WDR90: variants seen among roughly 807,000 people sequenced by gnomAD.
WDR90 encodes WD repeat domain 90.
In WDR90, 238 loss-of-function variants were observed where a neutral mutation model predicts 195.2. The observed-to-expected ratio is 1.22, with a 90% CI of 1.10 to 1.36. The LOEUF (loss-of-function observed/expected upper bound fraction) is 1.36, where lower values mean the gene tolerates loss of function less well. Ranked by LOEUF, WDR90 falls within the 40% of genes most tolerant of loss-of-function variation. WDR90 has a pLI of 0.00. For missense variants in WDR90, 2,734 were observed against 2,439.5 expected (o/e 1.12, Z -2.54); for synonymous variants, 1,265 against 1,052.4 (o/e 1.20, Z -3.91).
Position 666,125 on chromosome 16 carries a change from G to C in WDR90, c.4609+1G>C, listed in dbSNP as rs757431419. On this transcript the variant is annotated splice_donor_variant, in intron 36 of 40. Coordinates refer to ENST00000293879, the MANE Select transcript of WDR90 (RefSeq NM_145294.5). LOFTEE classifies it high-confidence loss of function. Reference sequence around the variant, plus strand: ...ACCACTGTTGCCTTCTCCACCGATGGTGAGGAGTTGGGTGTGTTGGGGATG... The same window carrying C: ...ACCACTGTTGCCTTCTCCACCGATGCTGAGGAGTTGGGTGTGTTGGGGATG... The C allele has an allele frequency of 1.2e-6, 2 of 1,609,198 alleles. No individual in the cohort carries two copies. Among genetic ancestry groups the C allele is most frequent in the Admixed American group, 1.7e-5 (1 of 59,912 alleles).
In WDR90 at chr16:651,929, G is replaced by A; in HGVS notation, c.943G>A (p.Glu315Lys). ...GGATGGCCCCGGTTTCCATAGCCTT[G>A]AGCCCTGGGCCCAGCTGGAGGCCTC... Reference protein sequence around the residue: ...NADGPGFHSLEPWAQLEASDI... With the variant: ...NADGPGFHSLKPWAQLEASDI... The change falls in exon 9 of 41, where the codon GAG becomes AAG. Residue 315 changes from glutamate (E) to lysine (K), a missense_variant. Physicochemically the swap from Glu to Lys is moderately conservative, Grantham distance 56. Coordinates refer to ENST00000293879, the MANE Select transcript of WDR90 (RefSeq NM_145294.5). 6.2e-7 allele frequency: 1 copy of A among 1,609,994 alleles called. No homozygotes were observed. Among genetic ancestry groups the A allele is most frequent in the Non-Finnish European group, 8.5e-7 (1 of 1,179,062 alleles).
rs1328483443 is a variant in WDR90, at chr16:657,063, G to T, written c.2343-28G>T. ...ATGGTACCTGGGCTTCGGGGCTAGG[G>T]CCAGCGGGGTCCCTGTGTGTGCTGC... On this transcript the variant is annotated intron_variant, in intron 19 of 40. Coordinates refer to ENST00000293879, the MANE Select transcript of WDR90 (RefSeq NM_145294.5). 9 of 1,593,630 alleles carry T rather than the reference G, an allele frequency of 5.6e-6. No individual in the cohort carries two copies. In the Admixed American group the frequency reaches 1.2e-4, roughly 21 times the overall value.
chr16:649,706 C>T, intron 1 of WDR90, 57 bp from the exon 2 acceptor site: 1 of 1,503,014 alleles, frequency 6.7e-7, no homozygotes, highest in Non-Finnish European at 8.9e-7. Context: ...CCCAGCCCCG[C>T]AGTGGCCCCG....
At chr16:650,843 C>A (rs1488219031) in intron 5 of WDR90, 134 bp downstream of exon 5, 2 of 1,475,062 alleles carry the variant, frequency 1.4e-6, no homozygotes, top group East Asian at 4.6e-5. Context: ...AGAACCCATC[C>A]CAGAGGCAGC....
At position 653,359 on chromosome 16, in the gene WDR90, G is replaced by A. The variant is rs750165095; in HGVS notation, c.1141G>A (p.Gly381Arg). Residue 381 changes from glycine to arginine, a missense_variant, in exon 11 of 41, where the codon GGG (glycine) becomes AGG (arginine). Transcript: ENST00000293879. The stretch of plus-strand genomic sequence containing the variant: ...GTGCCAGGCCCTGTGGACCCCAGAC[G>A]GGGCGGCTGTCGTGTACCCCTGCCA... ...GTRQALWTPDGAAVVYPCHAV... is the reference protein window; with the variant it reads ...GTRQALWTPDRAAVVYPCHAV... 2.9e-5 allele frequency: 45 copies of A among 1,574,774 alleles called. No individual in the cohort carries two copies. The highest frequency in any genetic ancestry group is 3.4e-5 in the Non-Finnish European group (40 of 1,162,018).
Position 662,345 on chromosome 16 carries a change from C to G in WDR90, c.4145+14C>G. 1.3e-6 allele frequency: 2 copies of G among 1,550,994 alleles called. No individual in the cohort carries two copies. Among genetic ancestry groups the G allele is most frequent in the South Asian group, 2.4e-5 (2 of 84,588 alleles). On this transcript the variant is annotated intron_variant, in intron 33 of 40. Coordinates refer to ENST00000293879, the MANE Select transcript of WDR90 (RefSeq NM_145294.5). ...CTCAGGCGCCAGGTGAGCTGTTCAC[C>G]CCTACGTGTTTTGGCTGCACGTGGG...
chr16:665,597 T>A, intron 34 of WDR90, 82 bp from the exon 35 acceptor site: 2 of 1,605,392 alleles, frequency 1.2e-6, no homozygotes, highest in Non-Finnish European at 1.7e-6. Context: ...AGCCCGGCCC[T>A]GGGGGCTGGA....
Position 653,510 on chromosome 16 carries a change from C to T in WDR90, c.1234-15C>T, listed in dbSNP as rs78351202. The T allele has an allele frequency of 1.4e-4, 230 of 1,612,880 alleles. 1 individual carries two copies. In the African/African-American group the frequency reaches 2.4e-3, roughly 17 times the overall value. On this transcript the variant is annotated splice_polypyrimidine_tract_variant and intron_variant, in intron 11 of 40. Transcript: ENST00000293879. ...CTGCAGCCCCTACACCCTCCCTCAC[C>T]CTTCTGCCTCCTAGGTCTCCGCCCT...
At chr16:650,938 C>T in intron 5 of WDR90, 57 bp from the exon 6 acceptor site, 3 of 1,588,802 alleles carry the variant, frequency 1.9e-6, no homozygotes, top group South Asian at 1.1e-5. Context: ...GGCGGGTGCC[C>T]TGTGTTCAGG....
In WDR90 at chr16:649,523, C is replaced by T. The variant is rs939661421; in HGVS notation, c.10+97C>T. The T allele has an allele frequency of 5.6e-5, 71 of 1,266,700 alleles. No individual in the cohort carries two copies. In the African/African-American group the frequency reaches 9.9e-4, roughly 18 times the overall value. The allele number at this position is 1,266,700 out of a possible 1,614,324, so 78.5% of individuals were successfully genotyped here. On this transcript the variant is annotated intron_variant, in intron 1 of 40. Coordinates refer to ENST00000293879, the MANE Select transcript of WDR90 (RefSeq NM_145294.5). ...AGCGCTCAGGGCCCCCGCCTAGGCCCTGAGGCCAGAGTCCCCGCTCAGGCA... is the reference window on the plus strand; with the variant it reads ...AGCGCTCAGGGCCCCCGCCTAGGCCTTGAGGCCAGAGTCCCCGCTCAGGCA...
At position 653,379 on chromosome 16, in the gene WDR90, C is replaced by G; in HGVS notation, c.1161C>G (p.Pro387=). 6.2e-7 allele frequency: 1 copy of G among 1,600,054 alleles called. No homozygotes were observed. Among genetic ancestry groups the G allele is most frequent in the Non-Finnish European group, 8.5e-7 (1 of 1,174,630 alleles). The change falls in exon 11 of 41, where the codon CCC becomes CCG. Residue 387 remains proline, a synonymous_variant. Coordinates refer to ENST00000293879, the MANE Select transcript of WDR90 (RefSeq NM_145294.5). The stretch of plus-strand genomic sequence containing the variant: ...CAGACGGGGCGGCTGTCGTGTACCC[C>G]TGCCATGCGGTCATCGTCGTCCTGC... ...WTPDGAAVVY[P]CHAVIVVLLV...
Position 660,175 on chromosome 16 carries a change from T to G in WDR90, c.3288+14T>G. On this transcript the variant is annotated intron_variant, in intron 27 of 40. Transcript: ENST00000293879. ...CACTCTGCCAAGGTGGGGAGTGGTT[T>G]CTGGGAGCCCTCTTTATCCCCAGCA... 6.7e-7 allele frequency: 1 copy of G among 1,502,520 alleles called. No homozygotes were observed. 93.1% of individuals were successfully genotyped at this position (1,502,520 alleles called of 1,614,324 possible). A position where few individuals can be genotyped will look rare whatever the true frequency, so the allele number is the denominator to read the frequency against.
chr16:654,136 G>T (rs2037698884), intron 13 of WDR90: 1 of 388,458 alleles, frequency 2.6e-6, no homozygotes, highest in East Asian at 4.3e-5. Context: ...CCACGCTTGG[G>T]CATCAATGGC....
At chr16:654,066 G>A (rs1337942358) in intron 13 of WDR90, 7 of 515,110 alleles carry the variant, frequency 1.4e-5, no homozygotes, top group Admixed American at 3.6e-5. Flanking sequence ...ACCTCGCCTC[G>A]TTCTCTCTGC....
At chr16:664,972 C>G (rs2037992522) in intron 34 of WDR90, 1 of 152,816 alleles carries the variant, frequency 6.5e-6, no homozygotes, top group Admixed American at 6.5e-5. Flanking sequence ...AGCCACCGCG[C>G]CCGGCTGAAC....
In WDR90 at chr16:655,606, G is replaced by T. The variant is rs760306631; in HGVS notation, c.1752G>T (p.Glu584Asp). 8.3e-5 allele frequency: 133 copies of T among 1,606,766 alleles called. 1 individual carries two copies. The highest frequency in any genetic ancestry group is 1.1e-4 in the Non-Finnish European group (126 of 1,176,188). Residue 584 changes from glutamate (E) to aspartate (D), a missense_variant, in exon 16 of 41, where the codon GAG becomes GAT. Physicochemically the swap from Glu to Asp is conservative, Grantham distance 45 (BLOSUM62 2). Coordinates refer to ENST00000293879, the MANE Select transcript of WDR90 (RefSeq NM_145294.5). ...GCAGCCGCAGTGGCCACATCTTGGAGATTGACTGTCAGCGCATGGTCGTGC... is the reference window on the plus strand; with the variant it reads ...GCAGCCGCAGTGGCCACATCTTGGATATTGACTGTCAGCGCATGGTCGTGC... Reference protein sequence around the residue: ...FVCSRSGHILEIDCQRMVVRH... With the variant: ...FVCSRSGHILDIDCQRMVVRH...
Position 650,883 on chromosome 16 carries a change from C to T in WDR90, c.560-112C>T, listed in dbSNP as rs556695067. ...GGGTCAGAACCCATCCCAGAGGCAG[C>T]CCTGGGGTGGGGCGGTGGCTGGGCT... On this transcript the variant is annotated intron_variant, in intron 5 of 40. Coordinates refer to ENST00000293879, the MANE Select transcript of WDR90 (RefSeq NM_145294.5). The T allele has an allele frequency of 2.1e-5, 31 of 1,490,948 alleles. No individual in the cohort carries two copies. In the African/African-American group the frequency reaches 3.2e-4, roughly 15 times the overall value. 92.4% of individuals were successfully genotyped at this position (1,490,948 alleles called of 1,614,324 possible).
rs79724701 is a variant in WDR90, at chr16:662,450, C to G, written c.4145+119C>G. On this transcript the variant is annotated intron_variant, in intron 33 of 40. Coordinates refer to ENST00000293879, the MANE Select transcript of WDR90 (RefSeq NM_145294.5). ...CCCTGCAGACCGGCCGCCTGCTAGC[C>G]CCTCCAAGGGACAGGCTTGGGTGTG... The G allele has an allele frequency of 1.2e-3, 1,614 of 1,332,642 alleles. 14 individuals are homozygous for G. The African/African-American group carries it at 0.02, about 16-fold the overall frequency. 82.6% of individuals were successfully genotyped at this position (1,332,642 alleles called of 1,614,324 possible).
In WDR90 at chr16:656,541, G is replaced by T; in HGVS notation, c.2202+4G>T. The T allele has an allele frequency of 6.4e-7, 1 of 1,564,976 alleles. No homozygotes were observed. Among genetic ancestry groups the T allele is most frequent in the Non-Finnish European group, 8.6e-7 (1 of 1,156,772 alleles). ...GGACCTGGCCACCCTGCAGCAGGTG[G>T]GGTTTGGCAGGGGCAGCACGGCAGG... On this transcript the variant is annotated splice_donor_region_variant and intron_variant, in intron 18 of 40. Coordinates refer to ENST00000293879, the MANE Select transcript of WDR90 (RefSeq NM_145294.5).
Sources: allele counts gnomAD v4.1 joint callset, GRCh38; gene constraint gnomAD v4.1.1; transcripts MANE v1.5; gene names NCBI Gene and HGNC (gene_info 2026-07-23, HGNC 2026-07-21).